Variants in NUP210L observed in about 807,000 individuals in gnomAD.
NUP210L encodes the protein nucleoporin 210 like, also known as nuclear pore membrane glycoprotein 210-like.
Under a neutral mutation model 208.5 loss-of-function variants are expected in NUP210L, and 74 were observed. The observed-to-expected ratio is 0.35, with a 90% CI of 0.29 to 0.43. The LOEUF is 0.43. Ranked by LOEUF, NUP210L falls within the 20% of genes least tolerant of loss-of-function variation. NUP210L has a pLI of 1.00. For synonymous variants in NUP210L, 780 were observed against 816.9 expected, an observed-to-expected ratio of 0.95 and a Z score of 0.77; for missense variants, 1,843 against 2,289.4, an observed-to-expected ratio of 0.81 and a Z score of 3.98.
At chr1:154,011,493 A>G (rs556378801) in intron 34 of NUP210L, among the ~76,000 whole-genome samples, 45 of 150,178 alleles carry the variant, frequency 3.0e-4, no homozygotes, top group African/African-American at 9.1e-4. Flanking sequence ...AAGTGCTGGG[A>G]TTACAGGTGT....
At chr1:154,126,615 G>C in intron 9 of NUP210L, 152 bp from the exon 10 acceptor site, 1 of 543,280 alleles carries the variant, frequency 1.8e-6, no homozygotes, top group South Asian at 4.4e-5. Context: ...GAAATTAAAA[G>C]TTGGGGAGAT....
chr1:154,001,093 GA>G (rs778341369), intron 36 of NUP210L, 33 bp from the exon 37 acceptor site: 1 of 1,575,930 alleles, frequency 6.3e-7, no homozygotes, highest in African/African-American at 1.4e-5. Context: ...TTATTTAAAA[GA>G]AGAAAAATCA....
rs569911517 is a variant in NUP210L, at chr1:154,035,682, C to T, written c.3697-5628G>A. Among the ~76,000 whole-genome samples the T allele has an allele frequency of 5.3e-5, 8 of 151,148 alleles. No homozygotes were observed. In the East Asian group the frequency reaches 7.8e-4, roughly 15 times the overall value. On this transcript the variant is annotated intron_variant, in intron 27 of 39. Coordinates refer to ENST00000368559, the Ensembl canonical transcript of NUP210L. ...CTAAAGTGCTGGGATTACAGGTGAC[C>T]GGCCTCTACTTTTTTTTGATGTAGG...
At chr1:154,054,438 G>C (rs749999078) in intron 24 of NUP210L, 31 bp from the exon 25 acceptor site, 1 of 1,598,182 alleles carries the variant, frequency 6.3e-7, no homozygotes, top group African/African-American at 1.3e-5. Flanking sequence ...TGAATGCCTA[G>C]AACATGAGGG....
intron 35 of NUP210L, among the ~76,000 whole-genome samples, chr1:154,008,953 A>G (rs1650735923): frequency 6.6e-6 from 1 of 150,618 alleles, no homozygotes; most frequent in Non-Finnish European, 1.5e-5. Flanking sequence ...TCTTTCGCCC[A>G]GTCTGGAGTG....
intron 33 of NUP210L, among the ~76,000 whole-genome samples, chr1:154,015,917 TAAATA>T (rs1463844899): frequency 2.9e-5 from 4 of 135,642 alleles, no homozygotes; most frequent in Non-Finnish European, 6.1e-5. Context: ...AATAAATAAA[TAAATA>T]AATAAATAAA....
At chr1:154,049,061 TA>T (rs1653345273) in intron 25 of NUP210L, among the ~76,000 whole-genome samples, 1 of 152,140 alleles carries the variant, frequency 6.6e-6, no homozygotes, top group African/African-American at 2.4e-5. Flanking sequence ...GAAAGAAATT[TA>T]AAGGTTTGGT....
chr1:154,127,262 G>A (rs1227108472), intron 9 of NUP210L, 49 bp downstream of exon 9: 4 of 839,346 alleles, frequency 4.8e-6, no homozygotes, highest in African/African-American at 1.7e-5. Context: ...TACATCTTAT[G>A]TATCTTATCC....
intron 35 of NUP210L, among the ~76,000 whole-genome samples, chr1:154,006,926 CTG>C (rs796890210): frequency 0.037 from 3,309 of 88,286 alleles, 195 homozygotes; most frequent in African/African-American, 0.11. Context: ...ACACATATGT[CTG>C]TGTGTGTGTG....
At chr1:154,046,648 C>CTAGA (rs1653200629) in intron 25 of NUP210L, among the ~76,000 whole-genome samples, 1 of 152,140 alleles carries the variant, frequency 6.6e-6, no homozygotes, top group Admixed American at 6.5e-5. Flanking sequence ...ATGGATGGAA[C>CTAGA]TAGAGATCAT....
At chr1:154,154,751 G>A in intron 1 of NUP210L, 91 bp downstream of exon 1, 1 of 1,058,944 alleles carries the variant, frequency 9.4e-7, no homozygotes, top group South Asian at 1.3e-5. Context: ...GGCCCCACAC[G>A]GTATTCCTGT....
rs1446674779 is a variant in NUP210L, at chr1:154,129,412, A to AAAAC, written c.1010-71_1010-68dup. The AAAAC allele has an allele frequency of 1.2e-5, 11 of 926,242 alleles. 1 individual carries two copies. The highest frequency in any genetic ancestry group is 2.4e-5 in the East Asian group (1 of 41,518). The allele number at this position is 926,242 out of a possible 1,614,324, so 57.4% of individuals were successfully genotyped here. On this transcript the variant is annotated intron_variant, in intron 7 of 39. Coordinates refer to ENST00000368559, the Ensembl canonical transcript of NUP210L. ...TGAAAAGGTGAGGTACCAAAGGAGA[A>AAAAC]AAACAAACAAACAAACAAATGCACA... is the stretch of plus-strand genomic sequence containing the variant.
At chr1:154,117,188 TG>T (rs755762877) in intron 12 of NUP210L, among the ~76,000 whole-genome samples, 6 of 152,198 alleles carry the variant, frequency 3.9e-5, no homozygotes, top group Non-Finnish European at 8.8e-5. Flanking sequence ...ACCTTCGAGG[TG>T]GATACTAACA....
At chr1:154,019,796 C>T (rs1177984473) in intron 32 of NUP210L, among the ~76,000 whole-genome samples, 3 of 152,056 alleles carry the variant, frequency 2.0e-5, no homozygotes, top group African/African-American at 4.8e-5. Context: ...CGTGGTGGCG[C>T]ATGCCTCTAG....
intron 16 of NUP210L, among the ~76,000 whole-genome samples, chr1:154,071,334 G>T (rs1242826599): frequency 6.6e-6 from 1 of 151,510 alleles, no homozygotes; most frequent in African/African-American, 2.4e-5. Context: ...GGAACAGGTG[G>T]TATTTGGTTA....
intron 6 of NUP210L, among the ~76,000 whole-genome samples, chr1:154,136,451 C>CA (rs1479995765): frequency 6.7e-6 from 1 of 150,246 alleles, no homozygotes; most frequent in Non-Finnish European, 1.5e-5. Flanking sequence ...AACTCCGTCT[C>CA]AAAATAAATA....
At chr1:154,083,144 C>A (rs185022122) in intron 16 of NUP210L, among the ~76,000 whole-genome samples, 207 of 152,266 alleles carry the variant, frequency 1.4e-3, no homozygotes, top group African/African-American at 4.5e-3. Flanking sequence ...ACTGTCGGCT[C>A]GGTGGCCAGC....
intron 34 of NUP210L, among the ~76,000 whole-genome samples, chr1:154,011,770 C>A (rs1650939430): frequency 6.9e-6 from 1 of 143,972 alleles, no homozygotes; most frequent in African/African-American, 2.6e-5. Flanking sequence ...CTCACTCTAA[C>A]CCCCGCTTCC....
intron 27 of NUP210L, among the ~76,000 whole-genome samples, chr1:154,041,486 G>A (rs898984685): frequency 3.3e-5 from 5 of 151,760 alleles, no homozygotes; most frequent in African/African-American, 9.7e-5. Context: ...ATGTGCCACC[G>A]CACCTGGTTA....
Sources: gnomAD v4.1 joint callset for allele counts (sites outside exome capture counted in the v4.1 genomes callset) on GRCh38, gnomAD v4.1.1 for gene constraint, MANE v1.5 for transcripts, NCBI Gene and HGNC (gene_info 2026-07-23, HGNC 2026-07-21) for gene names.